IDE: variants seen among roughly 807,000 people sequenced by gnomAD.
IDE encodes insulin-degrading enzyme.
A neutral mutation model predicts 133.2 loss-of-function variants in IDE; 58 were observed. That is an observed-to-expected ratio of 0.44 (90% CI 0.35 to 0.54). The LOEUF (loss-of-function observed/expected upper bound fraction) is 0.54, where lower values mean the gene tolerates loss of function less well. IDE is among the 20% of genes least tolerant of loss of function. The pLI, the probability that IDE is intolerant of heterozygous loss-of-function variation, is 0.00. For missense variants in IDE, 981 were observed against 1,234.0 expected (o/e 0.79, Z 3.07); for synonymous variants, 396 against 421.3 (o/e 0.94, Z 0.73).
At chr10:92,563,264 AC>A (rs74444459) in intron 1 of IDE, among the ~76,000 whole-genome samples, 24,856 of 151,392 alleles carry the variant, frequency 0.16, 2,405 homozygotes, top group Middle Eastern at 0.21. Flanking sequence ...GGGGGAAAAA[AC>A]CATGGTGAAA....
intron 1 of IDE, among the ~76,000 whole-genome samples, chr10:92,550,824 C>T (rs913793693): frequency 2.6e-5 from 4 of 151,770 alleles, no homozygotes; most frequent in African/African-American, 7.3e-5. Context: ...GAGCCGAGAT[C>T]GTGCCATTGC....
intron 13 of IDE, 110 bp downstream of exon 13, chr10:92,487,086 T>A: frequency 9.9e-7 from 1 of 1,009,464 alleles, no homozygotes; most frequent in Admixed American, 2.6e-5. Context: ...CCTATTAGGA[T>A]GTGAGCCTCC....
In IDE at chr10:92,456,439, C is replaced by A; in HGVS notation, c.2824-8G>T. On this transcript the variant is annotated splice_polypyrimidine_tract_variant and splice_region_variant and intron_variant, in intron 22 of 24. Coordinates refer to ENST00000265986, the MANE Select transcript of IDE (RefSeq NM_004969.4). Reference sequence around the variant, plus strand: ...ATCTACTGCCAACATTTCCTAGGCACAAAGAAGAGCAGGGTCACCCTTTTG... The same window carrying A: ...ATCTACTGCCAACATTTCCTAGGCAAAAAGAAGAGCAGGGTCACCCTTTTG... 2 of 1,606,096 alleles carry A rather than the reference C, an allele frequency of 1.2e-6. No individual in the cohort carries two copies. Among genetic ancestry groups the A allele is most frequent in the Non-Finnish European group, 1.7e-6 (2 of 1,172,692 alleles).
intron 21 of IDE, among the ~76,000 whole-genome samples, chr10:92,461,616 A>T (rs1589362273): frequency 6.6e-6 from 1 of 151,956 alleles, no homozygotes; most frequent in Non-Finnish European, 1.5e-5. Flanking sequence ...TCAGCCTCCC[A>T]AAGTGCCGGG....
Position 92,565,258 on chromosome 10 carries a change from A to G in IDE, c.98+8664T>C, listed in dbSNP as rs1269629459. On this transcript the variant is annotated intron_variant, in intron 1 of 24. Transcript: ENST00000265986. ...GACTCTGTCTCAGAAAAAAAAAAAA[A>G]AAAAGAAAAAATTAGCTGGGCATGG... is the stretch of plus-strand genomic sequence containing the variant. Among the ~76,000 whole-genome samples, 4 of 150,372 alleles carry G rather than the reference A, an allele frequency of 2.7e-5. No homozygotes were observed. In the East Asian group the frequency reaches 5.8e-4, roughly 22 times the overall value.
chr10:92,547,914 C>T (rs1842600337), intron 1 of IDE, among the ~76,000 whole-genome samples: 1 of 152,124 alleles, frequency 6.6e-6, no homozygotes, highest in South Asian at 2.1e-4. Flanking sequence ...ACTTTCTGGC[C>T]TCATCTAGCT....
Position 92,454,408 on chromosome 10 carries a change from T to C in IDE, c.*36A>G. 1 of 1,332,080 alleles carries C rather than the reference T, an allele frequency of 7.5e-7. No individual in the cohort carries two copies. Among genetic ancestry groups the C allele is most frequent in the Non-Finnish European group, 1.1e-6 (1 of 922,082 alleles). The allele number at this position is 1,332,080 out of a possible 1,614,324, so 82.5% of individuals were successfully genotyped here. ...TCTTAGGCTCTGGAAGACTCAGGAATGCATCCACTTGCACTTTCCCATGCA... is the reference window on the plus strand; with the variant it reads ...TCTTAGGCTCTGGAAGACTCAGGAACGCATCCACTTGCACTTTCCCATGCA... On this transcript the variant is annotated 3_prime_UTR_variant, in exon 25 of 25. Coordinates refer to ENST00000265986, the MANE Select transcript of IDE (RefSeq NM_004969.4).
chr10:92,508,727 C>A lies in IDE; in HGVS notation c.1060+1G>T. On this transcript the variant is annotated splice_donor_variant, in intron 7 of 24. Coordinates refer to ENST00000265986, the MANE Select transcript of IDE (RefSeq NM_004969.4). LOFTEE classifies it high-confidence loss of function. ...CAGAAGATGCTGCCCAGGAGACTTA[C>A]CCTTTGACTTAAGTTCTGATAACAG... 1 of 1,613,688 alleles carries A rather than the reference C, an allele frequency of 6.2e-7. No individual in the cohort carries two copies. Among genetic ancestry groups the A allele is most frequent in the Non-Finnish European group, 8.5e-7 (1 of 1,179,664 alleles).
intron 4 of IDE, among the ~76,000 whole-genome samples, chr10:92,527,923 G>A (rs1241150841): frequency 6.6e-6 from 1 of 152,140 alleles, no homozygotes; most frequent in Non-Finnish European, 1.5e-5. Context: ...AGCTGAGACA[G>A]GGGAATCGTT....
chr10:92,559,419 C>T (rs1843170956), intron 1 of IDE, among the ~76,000 whole-genome samples: 1 of 152,154 alleles, frequency 6.6e-6, no homozygotes, highest in Non-Finnish European at 1.5e-5. Context: ...TCTATCCATA[C>T]AATGCAATAC....
intron 11 of IDE, among the ~76,000 whole-genome samples, chr10:92,503,184 G>C (rs1488177442): frequency 1.3e-5 from 2 of 152,140 alleles, no homozygotes; most frequent in Non-Finnish European, 2.9e-5. Flanking sequence ...TGTAATCCCA[G>C]CACTTTGTGG....
At chr10:92,498,554 G>A (rs868153457) in intron 11 of IDE, among the ~76,000 whole-genome samples, 1 of 152,108 alleles carries the variant, frequency 6.6e-6, no homozygotes, top group African/African-American at 2.4e-5. Flanking sequence ...TCAGGAGTTC[G>A]AGACCAGCTT....
chr10:92,486,982 C>T (rs202130882), intron 13 of IDE, among the ~76,000 whole-genome samples: 1 of 152,138 alleles, frequency 6.6e-6, no homozygotes, highest in Non-Finnish European at 1.5e-5. Flanking sequence ...AAGTGATTCC[C>T]TAGATTCTAC....
intron 6 of IDE, among the ~76,000 whole-genome samples, chr10:92,509,738 T>C (rs747698338): frequency 6.6e-6 from 1 of 152,008 alleles, no homozygotes; most frequent in Non-Finnish European, 1.5e-5. Context: ...CAAGGCAACA[T>C]GGTGAAACCC....
intron 17 of IDE, among the ~76,000 whole-genome samples, chr10:92,471,389 C>A (rs1237957400): frequency 4.6e-5 from 7 of 152,154 alleles, no homozygotes; most frequent in African/African-American, 1.7e-4. Context: ...ATCTTTCACA[C>A]TATAAAGTAG....
chr10:92,515,151 A>C (rs1848835627), intron 4 of IDE, 109 bp from the exon 5 acceptor site: 1 of 806,648 alleles, frequency 1.2e-6, no homozygotes, highest in Non-Finnish European at 2.0e-6. Flanking sequence ...ATAAAGTTCT[A>C]ATACACAGAA....
Position 92,507,625 on chromosome 10 carries a change from G to T in IDE, c.1195C>A (p.Gln399Lys). 6.2e-7 allele frequency: 1 copy of T among 1,608,174 alleles called. No individual in the cohort carries two copies. The highest frequency in any genetic ancestry group is 8.5e-7 in the Non-Finnish European group (1 of 1,174,584). ...TGAGGTCCTTCTGCACGTAACTTCT[G>T]AATGTATTGAAACATGTGCAAAATT... Reference protein sequence around the residue: ...DIILHMFQYIQKLRAEGPQEW... With the variant: ...DIILHMFQYIKKLRAEGPQEW... The change falls in exon 9 of 25, where the codon CAG becomes AAG. Residue 399 changes from glutamine to lysine, a missense_variant. Gln to Lys is a moderately conservative substitution (Grantham distance 53). Transcript: ENST00000265986.
intron 4 of IDE, among the ~76,000 whole-genome samples, chr10:92,521,211 G>A (rs931315415): frequency 1.3e-5 from 2 of 152,114 alleles, no homozygotes; most frequent in Non-Finnish European, 2.9e-5. Context: ...GATGCACTGA[G>A]AATCAATATT....
At position 92,483,596 on chromosome 10, in the gene IDE, G is replaced by C. The variant is rs532976875; in HGVS notation, c.1657-259C>G. On this transcript the variant is annotated intron_variant, in intron 13 of 24. Coordinates refer to ENST00000265986, the MANE Select transcript of IDE (RefSeq NM_004969.4). The stretch of plus-strand genomic sequence containing the variant: ...GAGATGGGGGTACAGTGAAGGAAGA[G>C]ACAGATCAGAGAAGCCAATACCAAC... Among the ~76,000 whole-genome samples, 6 of 152,314 alleles carry C rather than the reference G, an allele frequency of 3.9e-5. No homozygotes were observed. In the East Asian group the frequency reaches 9.6e-4, roughly 24 times the overall value.
Sources: allele counts gnomAD v4.1 joint callset (sites outside exome capture counted in the v4.1 genomes callset), GRCh38; gene constraint gnomAD v4.1.1; transcripts MANE v1.5; gene names NCBI Gene and HGNC (gene_info 2026-07-23, HGNC 2026-07-21).